Variants in SLC6A13 observed in about 807,000 individuals in gnomAD.
SLC6A13 encodes sodium- and chloride-dependent GABA transporter 2.
SLC6A13 carries 69 observed loss-of-function variants against 72.9 expected under a neutral mutation model. The ratio of observed to expected loss-of-function variants is 0.95; its 90% CI spans 0.78 to 1.16. The LOEUF (loss-of-function observed/expected upper bound fraction) is 1.16. Among genes scored for constraint, SLC6A13 ranks in the 50% most tolerant of loss-of-function variants. SLC6A13 has a pLI of 0.00. For synonymous variants in SLC6A13, 303 were observed against 303.0 expected, an observed-to-expected ratio of 1.00 and a Z score of 0.00; for missense variants, 735 against 760.5, an observed-to-expected ratio of 0.97 and a Z score of 0.39.
intron 9 of SLC6A13, among the ~76,000 whole-genome samples, chr12:225,637 A>G (rs1445344429): frequency 6.7e-6 from 1 of 149,488 alleles, no homozygotes; most frequent in African/African-American, 2.5e-5. Flanking sequence ...GTGACAGAGC[A>G]AGACTCTATC....
At position 237,918 on chromosome 12, in the gene SLC6A13, T is replaced by A. The variant is rs773111785; in HGVS notation, c.563+8A>T. ...GGCCCACAGTGGGTGGGGAAGGGTC[T>A]CACTTACTCCCAGAACTCGATGACA... is the stretch of plus-strand genomic sequence containing the variant. On this transcript the variant is annotated splice_region_variant and intron_variant, in intron 5 of 14. Transcript: ENST00000343164. 5 of 1,607,848 alleles carry A rather than the reference T, an allele frequency of 3.1e-6. No individual in the cohort carries two copies. The highest frequency in any genetic ancestry group is 3.4e-6 in the Non-Finnish European group (4 of 1,174,322).
At chr12:223,874 T>C (rs957360307) in intron 11 of SLC6A13, 118 bp downstream of exon 11, 3 of 1,136,150 alleles carry the variant, frequency 2.6e-6, no homozygotes, top group Admixed American at 3.7e-5. Flanking sequence ...GGAGTCCTAG[T>C]GTCCAGAAGC....
At chr12:239,562 C>A (rs11613232) in intron 4 of SLC6A13, among the ~76,000 whole-genome samples, 5,564 of 152,328 alleles carry the variant, frequency 0.037, 134 homozygotes, top group Non-Finnish European at 0.059. Flanking sequence ...TTTTATTTTC[C>A]TCCATAGCCC....
chr12:257,997 C>G (rs1056083735), intron 2 of SLC6A13, among the ~76,000 whole-genome samples: 2 of 152,144 alleles, frequency 1.3e-5, no homozygotes, highest in South Asian at 2.1e-4. Context: ...CCAGATTAGT[C>G]CCCCAGCCTC....
At chr12:243,844 T>A in intron 2 of SLC6A13, 31 bp from the exon 3 acceptor site, 1 of 1,608,522 alleles carries the variant, frequency 6.2e-7, no homozygotes, top group Non-Finnish European at 8.5e-7. Flanking sequence ...GTTCATTTCC[T>A]GGGACTATTC....
At chr12:225,309 C>T (rs558807330) in intron 9 of SLC6A13, among the ~76,000 whole-genome samples, 2 of 152,328 alleles carry the variant, frequency 1.3e-5, no homozygotes, top group East Asian at 1.9e-4. Context: ...TTGCATGGTA[C>T]GAGTAGAGTG....
chr12:248,981 G>A (rs1591857820), intron 2 of SLC6A13, among the ~76,000 whole-genome samples: 1 of 152,124 alleles, frequency 6.6e-6, no homozygotes, highest in East Asian at 1.9e-4. Flanking sequence ...AAAGACATTT[G>A]GAAAATTGCC....
rs769185368 is a variant in SLC6A13 at position 238,033 on chromosome 12, GAA to G, written c.479-25_479-24del. On this transcript the variant is annotated intron_variant, in intron 4 of 14. Coordinates refer to ENST00000343164, the MANE Select transcript of SLC6A13 (RefSeq NM_016615.5). ...GTTCTACCCATGGGTCACGAGGAGGGAAAAAAGAGAAAAATCATCAGCCAGCC... is the reference window on the plus strand; with the variant it reads ...GTTCTACCCATGGGTCACGAGGAGGGAAAAGAGAAAAATCATCAGCCAGCC... 5.0e-6 allele frequency: 8 copies of G among 1,603,592 alleles called. No homozygotes were observed. In the Admixed American group the frequency reaches 6.7e-5, roughly 13 times the overall value.
chr12:252,821 TCTGGGCC>T (rs562186722), intron 2 of SLC6A13, among the ~76,000 whole-genome samples: 1 of 152,350 alleles, frequency 6.6e-6, no homozygotes, highest in African/African-American at 2.4e-5. Flanking sequence ...AATGTTTAAC[TCTGGGCC>T]CCGTGGTCAG....
intron 3 of SLC6A13, 69 bp from the exon 4 acceptor site, chr12:242,823 A>C: frequency 6.9e-7 from 1 of 1,453,356 alleles, no homozygotes; most frequent in Non-Finnish European, 9.4e-7. Context: ...CATTTCAGCT[A>C]TGCGGGACGC....
intron 2 of SLC6A13, among the ~76,000 whole-genome samples, chr12:248,510 A>G (rs898600528): frequency 2.0e-5 from 3 of 152,164 alleles, no homozygotes; most frequent in Non-Finnish European, 4.4e-5. Context: ...AAAGAATATT[A>G]CCAAGGGTAA....
At position 260,071 on chromosome 12, in the gene SLC6A13, G is replaced by T. The variant is rs755637127; in HGVS notation, c.-5-14C>A. 6.2e-7 allele frequency: 1 copy of T among 1,608,990 alleles called. No individual in the cohort carries two copies. Among genetic ancestry groups the T allele is most frequent in the South Asian group, 1.1e-5 (1 of 90,574 alleles). ...TATCCATCCCACCTGGAAAACAAGT[G>T]GGATGCTCTGTTACTGTTGGGAACC... On this transcript the variant is annotated splice_polypyrimidine_tract_variant and intron_variant, in intron 1 of 14. Coordinates refer to ENST00000343164, the MANE Select transcript of SLC6A13 (RefSeq NM_016615.5).
chr12:232,481 A>G (rs1396310219), intron 7 of SLC6A13, among the ~76,000 whole-genome samples: 3 of 152,364 alleles, frequency 2.0e-5, no homozygotes, highest in Non-Finnish European at 2.9e-5. Context: ...CAAAGGGCTT[A>G]TGATTCACAA....
At chr12:242,783 G>C (rs1942212728) in intron 3 of SLC6A13, 29 bp from the exon 4 acceptor site, 1 of 1,560,130 alleles carries the variant, frequency 6.4e-7, no homozygotes, top group African/African-American at 1.4e-5. Flanking sequence ...ATTGGGCTAG[G>C]AACGGTGGAC....
chr12:224,140 G>A lies in SLC6A13; in HGVS notation c.1174-11C>T. ...TTCTACACACACAAACTGGATGACA[G>A]GGCAAAGGGATTGGAGGGAAGGAGA... On this transcript the variant is annotated splice_polypyrimidine_tract_variant and intron_variant, in intron 10 of 14. Coordinates refer to ENST00000343164, the MANE Select transcript of SLC6A13 (RefSeq NM_016615.5). The A allele has an allele frequency of 6.2e-7, 1 of 1,614,056 alleles. No homozygotes were observed. The highest frequency in any genetic ancestry group is 1.1e-5 in the South Asian group (1 of 91,062).
intron 6 of SLC6A13, among the ~76,000 whole-genome samples, chr12:235,872 C>T (rs182350181): frequency 2.0e-3 from 302 of 152,170 alleles, no homozygotes; most frequent in African/African-American, 6.2e-3. Context: ...TATAAATGGC[C>T]GCTCTGGGAA....
chr12:237,911 A>G lies in SLC6A13; in HGVS notation c.563+15T>C, dbSNP rs1451597547. The G allele has an allele frequency of 2.1e-5, 33 of 1,596,308 alleles. No individual in the cohort carries two copies. Among genetic ancestry groups the G allele is most frequent in the Non-Finnish European group, 2.7e-5 (31 of 1,163,814 alleles). On this transcript the variant is annotated intron_variant, in intron 5 of 14. Transcript: ENST00000343164. ...AACACACGGCCCACAGTGGGTGGGG[A>G]AGGGTCTCACTTACTCCCAGAACTC...
At chr12:261,901 G>A (rs2137330713) in intron 1 of SLC6A13, among the ~76,000 whole-genome samples, 1 of 150,752 alleles carries the variant, frequency 6.6e-6, no homozygotes, top group Non-Finnish European at 1.5e-5. Flanking sequence ...ACTCCAGTCT[G>A]GGCAACAAAG....
At chr12:239,109 T>C (rs1942055207) in intron 4 of SLC6A13, among the ~76,000 whole-genome samples, 1 of 128,622 alleles carries the variant, frequency 7.8e-6, no homozygotes, top group Non-Finnish European at 1.8e-5. Flanking sequence ...TGGGGTGTGT[T>C]GGATCCATTC....
Sources: gnomAD v4.1 joint callset for allele counts (sites outside exome capture counted in the v4.1 genomes callset) on GRCh38, gnomAD v4.1.1 for gene constraint, MANE v1.5 for transcripts, NCBI Gene and HGNC (gene_info 2026-07-23, HGNC 2026-07-21) for gene names.